Variants in IKZF3 observed in about 807,000 individuals in gnomAD.
IKZF3 encodes zinc finger protein Aiolos.
A neutral mutation model predicts 49.0 loss-of-function variants in IKZF3; 10 were observed. The ratio of observed to expected loss-of-function variants is 0.20; its 90% CI spans 0.13 to 0.35. The LOEUF (loss-of-function observed/expected upper bound fraction) is 0.35. IKZF3 is among the 10% of genes least tolerant of loss of function. The pLI, the probability that IKZF3 is intolerant of heterozygous loss-of-function variation, is 1.00. For synonymous variants in IKZF3, 209 were observed against 228.2 expected, an observed-to-expected ratio of 0.92 and a Z score of 0.76; for missense variants, 498 against 664.8, an observed-to-expected ratio of 0.75 and a Z score of 2.76.
At chr17:39,782,082 C>T (rs2060757015) in intron 6 of IKZF3, among the ~76,000 whole-genome samples, 1 of 152,160 alleles carries the variant, frequency 6.6e-6, no homozygotes, top group Non-Finnish European at 1.5e-5. Flanking sequence ...GAACACACTC[C>T]TACTGATTCA....
chr17:39,799,506 T>C (rs970081953), intron 3 of IKZF3, among the ~76,000 whole-genome samples: 3 of 152,200 alleles, frequency 2.0e-5, no homozygotes, highest in African/African-American at 7.2e-5. Flanking sequence ...ATCACCTTTC[T>C]CTCTATACTA....
At chr17:39,790,264 A>G (rs1263668705) in intron 5 of IKZF3, among the ~76,000 whole-genome samples, 1 of 152,236 alleles carries the variant, frequency 6.6e-6, no homozygotes, top group Non-Finnish European at 1.5e-5. Flanking sequence ...ACGTTTCTGC[A>G]TAAATTGGGT....
intron 1 of IKZF3, among the ~76,000 whole-genome samples, chr17:39,850,540 A>C (rs1487001473): frequency 7.7e-6 from 1 of 129,908 alleles, no homozygotes; most frequent in East Asian, 2.1e-4. Context: ...ATACATGTAC[A>C]TATTATAGCA....
chr17:39,850,148 A>G (rs558634535), intron 1 of IKZF3, among the ~76,000 whole-genome samples: 3 of 107,396 alleles, frequency 2.8e-5, no homozygotes, highest in East Asian at 2.4e-4. Context: ...AGCATATTAT[A>G]TATGTATATA....
At chr17:39,858,417 AT>A (rs1384701863) in intron 1 of IKZF3, among the ~76,000 whole-genome samples, 2 of 152,258 alleles carry the variant, frequency 1.3e-5, no homozygotes, top group Admixed American at 6.5e-5. Context: ...TTCCACTGTT[AT>A]AAAAAATCAC....
chr17:39,777,639 T>C lies in IKZF3; in HGVS notation c.826+12A>G. On this transcript the variant is annotated intron_variant, in intron 7 of 7. Transcript: ENST00000346872. ...CTGCTAACAACAGCAGGAAAAAGGT[T>C]TGTATTCTTACCAATGAATTTCTGA... is the stretch of plus-strand genomic sequence containing the variant. 6.3e-7 allele frequency: 1 copy of C among 1,586,766 alleles called. No individual in the cohort carries two copies. The highest frequency in any genetic ancestry group is 1.1e-5 in the South Asian group (1 of 90,272).
At position 39,761,565 on chromosome 17, in the gene IKZF3, T is replaced by C. The variant is rs2060184695; in HGVS notation, c.*4225A>G. ...CCTGGTCCTCTAAAATATACATACATATATATACATATACAAAAAAAATAA... is the reference window on the plus strand; with the variant it reads ...CCTGGTCCTCTAAAATATACATACACATATATACATATACAAAAAAAATAA... On this transcript the variant is annotated 3_prime_UTR_variant, in exon 8 of 8. Coordinates refer to ENST00000346872, the MANE Select transcript of IKZF3 (RefSeq NM_012481.5). 6.6e-6 allele frequency: 1 copy of C among 151,818 alleles called. No homozygotes were observed. The highest frequency in any genetic ancestry group is 2.4e-5 in the African/African-American group (1 of 41,242). 9.4% of individuals were successfully genotyped at this position (151,818 alleles called of 1,614,324 possible).
At chr17:39,835,634 G>A (rs575636759) in intron 1 of IKZF3, 13 of 434,742 alleles carry the variant, frequency 3.0e-5, no homozygotes, top group Admixed American at 1.4e-4. Context: ...CAATGATGCC[G>A]TCCGTGTCCA....
intron 4 of IKZF3, among the ~76,000 whole-genome samples, chr17:39,792,442 CTG>C (rs1158792558): frequency 4.6e-5 from 7 of 152,206 alleles, no homozygotes; most frequent in African/African-American, 1.7e-4. Flanking sequence ...ACCTAGAACA[CTG>C]TGCTCTCTAC....
At chr17:39,811,407 AAAGGAAGGAAGAAAAGGAAGGAAGG>A (rs2061557730) in intron 3 of IKZF3, among the ~76,000 whole-genome samples, 1 of 148,004 alleles carries the variant, frequency 6.8e-6, no homozygotes, top group Admixed American at 6.7e-5. Flanking sequence ...CGGAAGGAAG[AAAGGAAGGAAGAAAAGGAAGGAAGG>A]AAAGGAAGGA....
intron 1 of IKZF3, among the ~76,000 whole-genome samples, chr17:39,855,628 T>C (rs1598225333): frequency 6.6e-6 from 1 of 152,230 alleles, no homozygotes; most frequent in Admixed American, 6.5e-5. Flanking sequence ...CTGTTACTTG[T>C]TTGTGCATTC....
chr17:39,824,375 G>A (rs2061900400), intron 3 of IKZF3, among the ~76,000 whole-genome samples: 1 of 152,160 alleles, frequency 6.6e-6, no homozygotes, highest in Admixed American at 6.5e-5. Context: ...GGCAGAAGGG[G>A]CTTGCCTTGT....
intron 3 of IKZF3, among the ~76,000 whole-genome samples, chr17:39,801,862 C>T (rs368871211): frequency 1.1e-4 from 17 of 151,592 alleles, no homozygotes; most frequent in East Asian, 5.8e-4. Context: ...AAATAATGGA[C>T]GTCTGTTAAT....
At chr17:39,856,108 G>T (rs181503877) in intron 1 of IKZF3, among the ~76,000 whole-genome samples, 1 of 149,018 alleles carries the variant, frequency 6.7e-6, no homozygotes, top group Non-Finnish European at 1.5e-5. Context: ...TATTGTATAT[G>T]TACAATATAA....
In IKZF3 at chr17:39,766,436, T is replaced by G. The variant is rs750092353; in HGVS notation, c.884A>C (p.Glu295Ala). 1.2e-6 allele frequency: 2 copies of G among 1,614,078 alleles called. No individual in the cohort carries two copies. Among genetic ancestry groups the G allele is most frequent in the Non-Finnish European group, 1.7e-6 (2 of 1,180,020 alleles). The change falls in exon 8 of 8, where the codon GAG (glutamate) becomes GCG (alanine). Residue 295 changes from glutamate (E) to alanine (A), a missense_variant. By Grantham distance (107) the Glu-to-Ala change is moderately radical. Coordinates refer to ENST00000346872, the MANE Select transcript of IKZF3 (RefSeq NM_012481.5). ...CATGCGGGTCTGTATGAGCTCACTCTCTTTCTCATACATGTAACTTGAATT... is the reference window on the plus strand; with the variant it reads ...CATGCGGGTCTGTATGAGCTCACTCGCTTTCTCATACATGTAACTTGAATT... ...NYNSSYMYEK[E>A]SELIQTRMMD...
At chr17:39,842,572 G>T (rs2062509381) in intron 1 of IKZF3, among the ~76,000 whole-genome samples, 1 of 152,126 alleles carries the variant, frequency 6.6e-6, no homozygotes, top group South Asian at 2.1e-4. Context: ...TGGGACAAGG[G>T]AGCATAAAAT....
chr17:39,840,405 A>G (rs1045602088), intron 1 of IKZF3, among the ~76,000 whole-genome samples: 2 of 152,284 alleles, frequency 1.3e-5, no homozygotes, highest in Non-Finnish European at 2.9e-5. Flanking sequence ...TCATTTTTCC[A>G]GTGCTTTCAG....
At chr17:39,861,683 C>T (rs889010728) in intron 1 of IKZF3, among the ~76,000 whole-genome samples, 14 of 152,002 alleles carry the variant, frequency 9.2e-5, no homozygotes, top group Non-Finnish European at 1.9e-4. Context: ...ACCCTACTAC[C>T]ACAAAATCTA....
intron 6 of IKZF3, among the ~76,000 whole-genome samples, chr17:39,781,933 T>C (rs2060752708): frequency 6.6e-6 from 1 of 152,208 alleles, no homozygotes; most frequent in Admixed American, 6.5e-5. Flanking sequence ...GGGTGGAGAC[T>C]TTCCCATTTC....
Sources: allele counts gnomAD v4.1 joint callset (sites outside exome capture counted in the v4.1 genomes callset), GRCh38; gene constraint gnomAD v4.1.1; transcripts MANE v1.5; gene names NCBI Gene and HGNC (gene_info 2026-07-23, HGNC 2026-07-21).